SORCS1: variants seen among roughly 807,000 people sequenced by gnomAD.
SORCS1 encodes the protein sortilin related VPS10 domain containing receptor 1.
In SORCS1, 60 loss-of-function variants were observed where a neutral mutation model predicts 146.1. The observed-to-expected ratio is 0.41, with a 90% CI of 0.33 to 0.51. The LOEUF (loss-of-function observed/expected upper bound fraction) is 0.51, where lower values mean the gene tolerates loss of function less well. SORCS1 is among the 20% of genes least tolerant of loss of function. SORCS1 has a pLI of 0.21. For missense variants in SORCS1, 1,352 were observed against 1,487.6 expected (o/e 0.91, Z 1.50); for synonymous variants, 637 against 584.0 (o/e 1.09, Z -1.31).
intron 2 of SORCS1, among the ~76,000 whole-genome samples, chr10:106,955,008 A>G (rs964450370): frequency 6.6e-6 from 1 of 152,216 alleles, no homozygotes; most frequent in Non-Finnish European, 1.5e-5. Context: ...TGCCCCACAC[A>G]ACGGGAAGTA....
At chr10:106,718,752 G>C (rs918411956) in intron 6 of SORCS1, among the ~76,000 whole-genome samples, 1 of 152,168 alleles carries the variant, frequency 6.6e-6, no homozygotes, top group Non-Finnish European at 1.5e-5. Context: ...GTGCTGATTG[G>C]TGCACTTACA....
At chr10:106,580,522 A>G (rs1353218947) in intron 24 of SORCS1, among the ~76,000 whole-genome samples, 1 of 152,194 alleles carries the variant, frequency 6.6e-6, no homozygotes, top group African/African-American at 2.4e-5. Flanking sequence ...CGTGCATAAA[A>G]GACAAGCCAC....
At chr10:106,873,967 A>G (rs1023562700) in intron 2 of SORCS1, among the ~76,000 whole-genome samples, 3 of 151,816 alleles carry the variant, frequency 2.0e-5, no homozygotes, top group African/African-American at 4.8e-5. Flanking sequence ...AAGCTGCCCA[A>G]CCTCTCTGGG....
chr10:106,809,025 G>A (rs1051346180), intron 3 of SORCS1, among the ~76,000 whole-genome samples: 4 of 152,024 alleles, frequency 2.6e-5, no homozygotes, highest in African/African-American at 4.8e-5. Context: ...CCCTTTTACC[G>A]CCAGTTGTAA....
At chr10:107,062,865 A>T (rs1447535885) in intron 1 of SORCS1, among the ~76,000 whole-genome samples, 1 of 152,202 alleles carries the variant, frequency 6.6e-6, no homozygotes, top group Non-Finnish European at 1.5e-5. Context: ...ACAGTGTTTC[A>T]GTCTGCTGTT....
intron 2 of SORCS1, among the ~76,000 whole-genome samples, chr10:106,903,293 G>A (rs576867666): frequency 4.6e-5 from 7 of 152,146 alleles, no homozygotes; most frequent in South Asian, 2.1e-4. Flanking sequence ...TTGTTTTTGC[G>A]GTTTCCATTA....
At chr10:106,610,209 C>T (rs1221474438) in intron 22 of SORCS1, among the ~76,000 whole-genome samples, 1 of 151,884 alleles carries the variant, frequency 6.6e-6, no homozygotes, top group Non-Finnish European at 1.5e-5. Context: ...TTCCATCTAT[C>T]CCTGTTTCTC....
rs1844606135 is a variant in SORCS1 at position 106,576,971 on chromosome 10, G to C, written c.*449C>G. 1 of 256,868 alleles carries C rather than the reference G, an allele frequency of 3.9e-6. No homozygotes were observed. The highest frequency in any genetic ancestry group is 7.6e-6 in the Non-Finnish European group (1 of 130,948). The allele number at this position is 256,868 out of a possible 1,614,324, so 15.9% of individuals were successfully genotyped here. A position where few individuals can be genotyped will look rare whatever the true frequency, so the allele number is the denominator to read the frequency against. On this transcript the variant is annotated 3_prime_UTR_variant, in exon 26 of 26. Coordinates refer to ENST00000263054, the MANE Select transcript of SORCS1 (RefSeq NM_052918.5). Reference sequence around the variant, plus strand: ...CAAACACGACCGATCAGAAAAAAGAGAGAGAAGAAGAAAGAGGGAGAGGGG... The same window carrying C: ...CAAACACGACCGATCAGAAAAAAGACAGAGAAGAAGAAAGAGGGAGAGGGG...
intron 2 of SORCS1, among the ~76,000 whole-genome samples, chr10:106,891,504 CTTT>C (rs760812204): frequency 1.0e-5 from 1 of 97,256 alleles, no homozygotes; most frequent in Non-Finnish European, 2.3e-5. Context: ...AATGGGAATT[CTTT>C]TTTTTTTTTT....
In SORCS1 at chr10:106,660,449, T is replaced by A. The variant is rs553952129; in HGVS notation, c.2303+7240A>T. The stretch of plus-strand genomic sequence containing the variant: ...TTTGAAATCCACAACATGCTATTAT[T>A]AACTATAGTCACTCTACTGTGAAAT... On this transcript the variant is annotated intron_variant, in intron 17 of 25. Coordinates refer to ENST00000263054, the MANE Select transcript of SORCS1 (RefSeq NM_052918.5). 7.9e-5 allele frequency among the ~76,000 whole-genome samples: 12 copies of A among 152,328 alleles called. No homozygotes were observed. The South Asian group carries it at 2.5e-3, about 32-fold the overall frequency.
At position 106,838,777 on chromosome 10, in the gene SORCS1, T is replaced by C. The variant is rs566625396; in HGVS notation, c.627-9104A>G. Among the ~76,000 whole-genome samples, 11 of 152,346 alleles carry C rather than the reference T, an allele frequency of 7.2e-5. No individual in the cohort carries two copies. The South Asian group carries it at 2.1e-3, about 29-fold the overall frequency. ...GCAGGGAGCAAGTCTATTGGTGCCA[T>C]TTTTCCAACAGCATGTGCTCACTTC... On this transcript the variant is annotated intron_variant, in intron 2 of 25. Transcript: ENST00000263054.
chr10:106,788,582 T>C (rs1946167943), intron 3 of SORCS1, among the ~76,000 whole-genome samples: 1 of 152,142 alleles, frequency 6.6e-6, no homozygotes, highest in Non-Finnish European at 1.5e-5. Flanking sequence ...AGCGGGGCAA[T>C]CATTAAACTT....
chr10:106,695,697 TATCA>T (rs1392656584), intron 9 of SORCS1, among the ~76,000 whole-genome samples: 2 of 124,484 alleles, frequency 1.6e-5, no homozygotes, highest in Admixed American at 9.2e-5. Flanking sequence ...TTATTAATGA[TATCA>T]ATTAATGATA....
At chr10:106,736,146 A>G (rs1014983616) in intron 5 of SORCS1, among the ~76,000 whole-genome samples, 1 of 152,212 alleles carries the variant, frequency 6.6e-6, no homozygotes, top group African/African-American at 2.4e-5. Context: ...GACATTTTCT[A>G]CAGAGAAACT....
Position 107,122,314 on chromosome 10 carries a change from G to T in SORCS1, c.558+41655C>A, listed in dbSNP as rs144895514. Among the ~76,000 whole-genome samples the T allele has an allele frequency of 4.2e-3, 639 of 152,262 alleles. 4 individuals are homozygous for T. Among genetic ancestry groups the T allele is most frequent in the Non-Finnish European group, 6.1e-3 (414 of 68,026 alleles). On this transcript the variant is annotated intron_variant, in intron 1 of 25. Coordinates refer to ENST00000263054, the MANE Select transcript of SORCS1 (RefSeq NM_052918.5). Reference sequence around the variant, plus strand: ...TTTCCTTCAAGTAAAACCATTAGAAGTCTGATTTTCATTTCCTTCCTTCTT... The same window carrying T: ...TTTCCTTCAAGTAAAACCATTAGAATTCTGATTTTCATTTCCTTCCTTCTT...
intron 2 of SORCS1, among the ~76,000 whole-genome samples, chr10:106,944,871 CTTCTTTTTTTTTTT>C (rs1954238367): frequency 9.8e-5 from 6 of 61,024 alleles, no homozygotes; most frequent in East Asian, 3.9e-4. Flanking sequence ...AAGAAAGAGC[CTTCTTTTTTTTTTT>C]TTTTTTTTTT....
chr10:106,849,139 C>T (rs1043711196), intron 2 of SORCS1, among the ~76,000 whole-genome samples: 3 of 146,248 alleles, frequency 2.1e-5, no homozygotes, highest in South Asian at 2.3e-4. Context: ...GCCTGCCTTG[C>T]TAGATTGGGG....
At chr10:106,777,810 C>T (rs1235420073) in intron 3 of SORCS1, among the ~76,000 whole-genome samples, 1 of 152,170 alleles carries the variant, frequency 6.6e-6, no homozygotes, top group Non-Finnish European at 1.5e-5. Context: ...CACCTAATGT[C>T]TCCAGACAGG....
At chr10:106,973,283 T>C (rs771283825) in intron 1 of SORCS1, among the ~76,000 whole-genome samples, 2 of 152,224 alleles carry the variant, frequency 1.3e-5, no homozygotes, top group Non-Finnish European at 2.9e-5. Context: ...GATACCTCTA[T>C]TCCAAGTGGG....
Sources: allele counts gnomAD v4.1 joint callset (sites outside exome capture counted in the v4.1 genomes callset), GRCh38; gene constraint gnomAD v4.1.1; transcripts MANE v1.5; gene names NCBI Gene and HGNC (gene_info 2026-07-23, HGNC 2026-07-21).